The following SYTL3 variants were observed in gnomAD, a reference collection of about 807,000 sequenced individuals.
SYTL3 encodes the protein synaptotagmin like 3, also known as synaptotagmin-like protein 3.
Under a neutral mutation model 82.1 loss-of-function variants are expected in SYTL3, and 88 were observed. The ratio of observed to expected loss-of-function variants is 1.07; its 90% CI spans 0.90 to 1.28. SYTL3 has a LOEUF of 1.28. SYTL3 is among the 50% of genes most tolerant of loss of function. The pLI is 0.00. For missense variants in SYTL3, 831 were observed against 757.6 expected (o/e 1.10, Z -1.14); for synonymous variants, 311 against 289.4 (o/e 1.07, Z -0.76).
chr6:158,652,100 G>C (rs990232197), intron 2 of SYTL3, among the ~76,000 whole-genome samples: 2 of 151,382 alleles, frequency 1.3e-5, no homozygotes, highest in Non-Finnish European at 2.9e-5. Flanking sequence ...GATAATTTTT[G>C]TATTTTTAGT....
At chr6:158,717,216 G>A (rs1208565279) in intron 9 of SYTL3, among the ~76,000 whole-genome samples, 1 of 152,192 alleles carries the variant, frequency 6.6e-6, no homozygotes, top group Non-Finnish European at 1.5e-5. Context: ...GGAGGTTGCA[G>A]TGAGCCAAGA....
At chr6:158,735,137 G>A (rs893542102) in intron 11 of SYTL3, among the ~76,000 whole-genome samples, 5 of 152,116 alleles carry the variant, frequency 3.3e-5, no homozygotes, top group Admixed American at 1.3e-4. Context: ...CAGTCCACAC[G>A]TAGAAGCAGG....
intron 6 of SYTL3, among the ~76,000 whole-genome samples, chr6:158,686,248 C>T (rs1779280913): frequency 1.3e-5 from 2 of 152,192 alleles, no homozygotes; most frequent in Non-Finnish European, 2.9e-5. Flanking sequence ...ATAAAAACTT[C>T]AGTAAGGACA....
intron 6 of SYTL3, among the ~76,000 whole-genome samples, chr6:158,688,995 A>G (rs1779575820): frequency 6.6e-6 from 1 of 152,232 alleles, no homozygotes; most frequent in Non-Finnish European, 1.5e-5. Flanking sequence ...AGTGTCCATA[A>G]ATATCATTGG....
At chr6:158,702,931 A>G (rs1781485808) in intron 6 of SYTL3, among the ~76,000 whole-genome samples, 2 of 152,048 alleles carry the variant, frequency 1.3e-5, no homozygotes, top group African/African-American at 4.8e-5. Context: ...GAGGCGGACG[A>G]ATCACAAGGT....
At chr6:158,698,779 G>A (rs9456340) in intron 6 of SYTL3, among the ~76,000 whole-genome samples, 93,759 of 152,052 alleles carry the variant, frequency 0.62, 30,025 homozygotes, top group African/African-American at 0.77. Context: ...GTATTGTTCT[G>A]ACAAGATCCA....
At chr6:158,748,908 C>T (rs981794582) in intron 12 of SYTL3, among the ~76,000 whole-genome samples, 3 of 151,286 alleles carry the variant, frequency 2.0e-5, no homozygotes, top group Middle Eastern at 3.4e-3. Flanking sequence ...GACAACATGA[C>T]AGCACTTGCA....
Position 158,712,117 on chromosome 6 carries a change from A to G in SYTL3, c.517-1683A>G, listed in dbSNP as rs571967494. ...TTCAAAGCTGAAAGCCTCAGGACCC[A>G]GGGAGCCTCTGGTCTAAGTCCTGGA... On this transcript the variant is annotated intron_variant, in intron 8 of 17. Coordinates refer to ENST00000611299, the MANE Select transcript of SYTL3 (RefSeq NM_001242394.2). Among the ~76,000 whole-genome samples, 3 of 152,322 alleles carry G rather than the reference A, an allele frequency of 2.0e-5. No individual in the cohort carries two copies. The South Asian group carries it at 6.2e-4, about 32-fold the overall frequency.
chr6:158,757,259 G>A lies in SYTL3; in HGVS notation c.1186G>A (p.Val396Met). The A allele has an allele frequency of 1.2e-6, 2 of 1,612,882 alleles. No homozygotes were observed. The highest frequency in any genetic ancestry group is 8.5e-7 in the Non-Finnish European group (1 of 1,180,002). ...QLVTRQLQVS[V>M]WHLGTLARRV... Reference sequence around the variant, plus strand: ...GGTGACCCGGCAGCTGCAGGTCTCGGTGTGGCATCTGGGCACGCTGGCCCG... The same window carrying A: ...GGTGACCCGGCAGCTGCAGGTCTCGATGTGGCATCTGGGCACGCTGGCCCG... Residue 396 changes from valine to methionine, a missense_variant, in exon 14 of 18, where the codon GTG becomes ATG. Coordinates refer to ENST00000611299, the MANE Select transcript of SYTL3 (RefSeq NM_001242394.2).
At chr6:158,684,959 C>T (rs1779129866) in intron 6 of SYTL3, among the ~76,000 whole-genome samples, 1 of 152,180 alleles carries the variant, frequency 6.6e-6, no homozygotes, top group Non-Finnish European at 1.5e-5. Context: ...TACCGCCACC[C>T]TCTCCCCTAC....
intron 10 of SYTL3, among the ~76,000 whole-genome samples, chr6:158,719,817 T>C (rs1783861777): frequency 6.6e-6 from 1 of 152,198 alleles, no homozygotes; most frequent in South Asian, 2.1e-4. Context: ...CGGCCGAGCC[T>C]GGTGGCTCAT....
intron 11 of SYTL3, among the ~76,000 whole-genome samples, chr6:158,730,615 C>T (rs1785277499): frequency 6.6e-6 from 1 of 152,154 alleles, no homozygotes; most frequent in Non-Finnish European, 1.5e-5. Context: ...TAAACCTGGA[C>T]TCTCAGCAAC....
At chr6:158,761,304 T>TTTC (rs58328359) in intron 15 of SYTL3, among the ~76,000 whole-genome samples, 14,366 of 132,082 alleles carry the variant, frequency 0.11, 1,518 homozygotes, top group African/African-American at 0.27. Flanking sequence ...CACATTTCTT[T>TTTC]TTTTTTTTTT....
At chr6:158,745,691 A>T (rs1265551477) in intron 12 of SYTL3, 33 bp downstream of exon 12, 1 of 1,494,280 alleles carries the variant, frequency 6.7e-7, no homozygotes, top group Non-Finnish European at 9.0e-7. Flanking sequence ...AACATGAGAC[A>T]TATTGATTCC....
At chr6:158,649,045 T>C (rs1338754796), upstream of SYTL3, among the ~76,000 whole-genome samples, 1 of 152,212 alleles carries the variant, frequency 6.6e-6, no homozygotes, top group African/African-American at 2.4e-5. Context: ...CTGCAGCCCC[T>C]TCCCTGGGAC....
chr6:158,697,544 G>A (rs1330686984), intron 6 of SYTL3, among the ~76,000 whole-genome samples: 2 of 151,870 alleles, frequency 1.3e-5, no homozygotes, highest in Non-Finnish European at 2.9e-5. Flanking sequence ...TAGAAAAATT[G>A]GACATCATCA....
rs777155869 is a variant in SYTL3 at position 158,725,576 on chromosome 6, A to G, written c.794A>G (p.Lys265Arg). 3 of 1,614,222 alleles carry G rather than the reference A, an allele frequency of 1.9e-6. No homozygotes were observed. In the Admixed American group the frequency reaches 5.0e-5, roughly 27 times the overall value. Reference sequence around the variant, plus strand: ...AAATGCTCTACTAACCCTATTTTGAAGCAACAGAATCTCCCATCCAGTCCG... The same window carrying G: ...AAATGCTCTACTAACCCTATTTTGAGGCAACAGAATCTCCCATCCAGTCCG... ...DPKCSTNPIL[K>R]QQNLPSSPAP... The change falls in exon 11 of 18, where the codon AAG (lysine) becomes AGG (arginine). Residue 265 changes from lysine (K) to arginine (R), a missense_variant. Transcript: ENST00000611299.
chr6:158,736,249 G>A (rs2128497520), intron 11 of SYTL3, among the ~76,000 whole-genome samples: 1 of 152,202 alleles, frequency 6.6e-6, no homozygotes, highest in Admixed American at 6.5e-5. Context: ...TACTCGGGAG[G>A]CTGAGGCAGG....
At chr6:158,646,319 C>T (rs917376024), upstream of SYTL3, among the ~76,000 whole-genome samples, 1 of 152,130 alleles carries the variant, frequency 6.6e-6, no homozygotes, top group Non-Finnish European at 1.5e-5. Context: ...GCACTAGCCA[C>T]CACACCCACC....
Sources: allele counts gnomAD v4.1 joint callset (sites outside exome capture counted in the v4.1 genomes callset), GRCh38; gene constraint gnomAD v4.1.1; transcripts MANE v1.5; gene names NCBI Gene and HGNC (gene_info 2026-07-23, HGNC 2026-07-21).